Variants in SOBP observed in about 807,000 individuals in gnomAD.
SOBP encodes sine oculis binding protein homolog.
A neutral mutation model predicts 53.6 loss-of-function variants in SOBP; 4 were observed. The observed-to-expected ratio is 0.07, with a 90% CI of 0.04 to 0.17. The LOEUF is 0.17. Among genes scored for constraint, SOBP ranks in the 10% least tolerant of loss-of-function variants. The pLI, the probability that SOBP is intolerant of heterozygous loss-of-function variation, is 1.00. For synonymous variants in SOBP, 584 were observed against 522.6 expected (o/e 1.12, Z -1.60); for missense variants, 1,088 against 1,204.7 (o/e 0.90, Z 1.43).
intron 3 of SOBP, chr6:107,510,548 A>G (rs1783141063): frequency 6.6e-6 from 1 of 152,216 alleles, no homozygotes; most frequent in African/African-American, 2.4e-5. Context: ...ATTAGTCCCA[A>G]CCTGTTTGAC....
chr6:107,524,318 C>A (rs569513543), intron 3 of SOBP, among the ~76,000 whole-genome samples: 2 of 152,274 alleles, frequency 1.3e-5, no homozygotes, highest in South Asian at 4.1e-4. Context: ...CTTCAGCTAT[C>A]TAGGAGAGAG....
At chr6:107,628,838 T>C (rs150508936) in intron 5 of SOBP, among the ~76,000 whole-genome samples, 1,988 of 152,312 alleles carry the variant, frequency 0.013, 28 homozygotes, top group Middle Eastern at 0.031. Context: ...GACCACGGCA[T>C]TCCAGGGTAG....
intron 5 of SOBP, among the ~76,000 whole-genome samples, chr6:107,615,474 C>A (rs1169903845): frequency 6.6e-6 from 1 of 152,112 alleles, no homozygotes; most frequent in Non-Finnish European, 1.5e-5. Flanking sequence ...GGGTATGGGG[C>A]AAAATGAGAG....
intron 5 of SOBP, among the ~76,000 whole-genome samples, chr6:107,605,397 A>G (rs1369914064): frequency 6.6e-6 from 1 of 152,260 alleles, no homozygotes; most frequent in African/African-American, 2.4e-5. Context: ...ACAAGAGATT[A>G]TGGCTTCTAA....
chr6:107,634,229 C>G lies in SOBP; in HGVS notation c.1385C>G (p.Pro462Arg). 6.3e-7 allele frequency: 1 copy of G among 1,587,304 alleles called. No individual in the cohort carries two copies. ...HRPMLSPHIH[P>R]PSTPTMPGNP... is the part of the protein sequence containing the mutation. ...CCCATGCTATCGCCCCACATCCACC[C>G]CCCGAGCACCCCCACCATGCCCGGG... The change falls in exon 6 of 7, where the codon CCC (proline) becomes CGC (arginine). Residue 462 changes from proline to arginine, a missense_variant. Around this residue, in one of 6 missense-constraint regions of SOBP, gnomAD observed 665 missense variants for 629.7 expected, o/e 1.06. Coordinates refer to ENST00000317357, the MANE Select transcript of SOBP (RefSeq NM_018013.4). This position sits in a 1 kb window ranked among gnomAD's most constrained non-coding sequence, Gnocchi z 4.5.
chr6:107,581,236 A>C (rs546069307), intron 4 of SOBP, among the ~76,000 whole-genome samples: 1 of 152,276 alleles, frequency 6.6e-6, no homozygotes, highest in African/African-American at 2.4e-5. Context: ...GACCAGGAGG[A>C]AGAGTCACTG....
intron 5 of SOBP, among the ~76,000 whole-genome samples, chr6:107,594,053 G>C (rs1469297441): frequency 6.6e-6 from 1 of 152,170 alleles, no homozygotes; most frequent in African/African-American, 2.4e-5. Context: ...GTATAGTGTT[G>C]TAGTGAAGAA....
At chr6:107,606,126 G>T (rs1786368691) in intron 5 of SOBP, among the ~76,000 whole-genome samples, 1 of 144,540 alleles carries the variant, frequency 6.9e-6, no homozygotes, top group African/African-American at 2.6e-5. Context: ...TCCCAGGCTG[G>T]AGTGTAGTAG....
chr6:107,618,575 G>C (rs1471425329), intron 5 of SOBP, among the ~76,000 whole-genome samples: 6 of 152,218 alleles, frequency 3.9e-5, no homozygotes, highest in African/African-American at 1.4e-4. Flanking sequence ...AAGGCTGTTT[G>C]AAGTAGTTTT....
At chr6:107,643,543 A>G (rs1438538264) in intron 6 of SOBP, among the ~76,000 whole-genome samples, 2 of 151,994 alleles carry the variant, frequency 1.3e-5, no homozygotes, top group African/African-American at 2.4e-5. Context: ...CAGCCTCCCA[A>G]GTAGCTGGGA....
rs2115143066 is a variant in SOBP at position 107,633,827 on chromosome 6, C to T, written c.983C>T (p.Ala328Val). The T allele has an allele frequency of 2.5e-6, 4 of 1,614,120 alleles. No homozygotes were observed. Among genetic ancestry groups the T allele is most frequent in the South Asian group, 1.1e-5 (1 of 91,086 alleles). Reference sequence around the variant, plus strand: ...CAAAGCCAGGGCCCTGGCCCGTCGGCGTCCACCACCGTCTCTCCATCTGAC... The same window carrying T: ...CAAAGCCAGGGCCCTGGCCCGTCGGTGTCCACCACCGTCTCTCCATCTGAC... The part of the protein sequence containing the change: ...AGQSQGPGPS[A>V]STTVSPSDTA... Residue 328 changes from alanine (A) to valine (V), a missense_variant, in exon 6 of 7, where the codon GCG becomes GTG. Coordinates refer to ENST00000317357, the MANE Select transcript of SOBP (RefSeq NM_018013.4).
At chr6:107,537,179 A>G (rs1296315270) in intron 4 of SOBP, among the ~76,000 whole-genome samples, 1 of 152,228 alleles carries the variant, frequency 6.6e-6, no homozygotes, top group East Asian at 1.9e-4. Flanking sequence ...AGTAATGCAC[A>G]CGTAAAAATA....
chr6:107,542,571 G>A (rs769140851), intron 4 of SOBP, among the ~76,000 whole-genome samples: 3 of 152,144 alleles, frequency 2.0e-5, no homozygotes, highest in African/African-American at 7.2e-5. Context: ...TCAGGATCCC[G>A]TATGCAAGGG....
At chr6:107,579,805 T>C (rs1050197919) in intron 4 of SOBP, among the ~76,000 whole-genome samples, 1 of 152,180 alleles carries the variant, frequency 6.6e-6, no homozygotes, top group Non-Finnish European at 1.5e-5. Context: ...TAAAAATTTA[T>C]GATATATATA....
intron 6 of SOBP, among the ~76,000 whole-genome samples, chr6:107,645,190 A>C (rs944109407): frequency 1.3e-5 from 2 of 152,142 alleles, no homozygotes; most frequent in African/African-American, 4.8e-5. Context: ...ATGCATAGCA[A>C]TAATAACTTT....
chr6:107,582,412 G>C (rs903653082), intron 4 of SOBP, among the ~76,000 whole-genome samples: 1 of 152,160 alleles, frequency 6.6e-6, no homozygotes, highest in Non-Finnish European at 1.5e-5. Flanking sequence ...TTTTGAAGTA[G>C]AGAGGCAATT....
At chr6:107,602,568 TAAAAAAA>T (rs71810335) in intron 5 of SOBP, among the ~76,000 whole-genome samples, 2 of 102,782 alleles carry the variant, frequency 1.9e-5, no homozygotes, top group African/African-American at 7.9e-5. Context: ...TAAGCCGCGT[TAAAAAAA>T]AAAAAAAAAA....
chr6:107,495,393 T>C (rs1394604721), intron 1 of SOBP, among the ~76,000 whole-genome samples: 1 of 152,204 alleles, frequency 6.6e-6, no homozygotes, highest in Non-Finnish European at 1.5e-5. Context: ...AAGAGTCTCT[T>C]TCTCCATCCA....
At chr6:107,587,432 A>G (rs1266278868) in intron 5 of SOBP, among the ~76,000 whole-genome samples, 1 of 152,212 alleles carries the variant, frequency 6.6e-6, no homozygotes, top group Admixed American at 6.5e-5. Context: ...ATAAGCAGCC[A>G]CTTGGAGAAT....
Sources: gnomAD v4.1 joint callset for allele counts (sites outside exome capture counted in the v4.1 genomes callset) on GRCh38, gnomAD v4.1.1 for gene constraint, gnomAD v4.1.1 regional missense constraint, Gnocchi (gnomAD v3.1) non-coding constraint, MANE v1.5 for transcripts, NCBI Gene and HGNC (gene_info 2026-07-23, HGNC 2026-07-21) for gene names.